SLC25A30: variants seen among roughly 807,000 people sequenced by gnomAD.
SLC25A30 encodes solute carrier family 25 member 30.
A neutral mutation model predicts 42.7 loss-of-function variants in SLC25A30; 29 were observed. The ratio of observed to expected loss-of-function variants is 0.68; its 90% confidence interval spans 0.51 to 0.93. SLC25A30 has a LOEUF of 0.93. Among genes scored for constraint, SLC25A30 ranks in the 40% least tolerant of loss-of-function variants. The probability of loss-of-function intolerance (pLI) is 0.00; values close to 1 mark genes in which losing one functional copy is unlikely to be tolerated. For synonymous variants in SLC25A30, 124 were observed against 131.0 expected (o/e 0.95, Z 0.37); for missense variants, 300 against 359.7 (o/e 0.83, Z 1.34).
intron 1 of SLC25A30, among the ~76,000 whole-genome samples, chr13:45,416,093 C>T (rs554084298): frequency 1.3e-5 from 2 of 151,466 alleles, no homozygotes; most frequent in African/African-American, 4.8e-5. Context: ...CCACGGCGCC[C>T]GGTCCAAATT....
the SLC25A30 span, among the ~76,000 whole-genome samples, chr13:45,430,121 A>G: frequency 1.2e-4 from 19 of 152,280 alleles, no homozygotes; most frequent in East Asian, 3.7e-3. Context: ...TTTAAAAACA[A>G]ATATAATCAT....
rs1201820345 is a variant in SLC25A30, at chr13:45,395,843, A to G, written c.*131T>C. 6.3e-7 allele frequency: 1 copy of G among 1,585,186 alleles called. No individual in the cohort carries two copies. Among genetic ancestry groups the G allele is most frequent in the Admixed American group, 1.7e-5 (1 of 57,832 alleles). The stretch of plus-strand genomic sequence containing the variant: ...AACACACAGCAATCTCAACTAACCC[A>G]GTCTTCATCTGTTGCTCACATCCCA... On this transcript the variant is annotated 3_prime_UTR_variant, in exon 10 of 10. Transcript: ENST00000519676.
chr13:45,411,317 A>G lies in SLC25A30; in HGVS notation c.64+45T>C, dbSNP rs904306843. 4.5e-6 allele frequency: 6 copies of G among 1,332,120 alleles called. No homozygotes were observed. In the African/African-American group the frequency reaches 5.8e-5, roughly 13 times the overall value. The allele number at this position is 1,332,120 out of a possible 1,614,324, so 82.5% of individuals were successfully genotyped here. On this transcript the variant is annotated intron_variant, in intron 2 of 9. Transcript: ENST00000519676. ...TTGAACTACATTCACATCAAACACC[A>G]TCACATACAGCAGGCTACGTGATCC...
In SLC25A30 at chr13:45,404,356, T is replaced by G; in HGVS notation, c.364A>C (p.Thr122Pro). Residue 122 changes from threonine to proline, a missense_variant, in exon 5 of 10, where the codon ACC becomes CCC. Coordinates refer to ENST00000519676, the MANE Select transcript of SLC25A30 (RefSeq NM_001010875.4). Reference sequence around the variant, plus strand: ...AAAACATCAGTTGGATTAGCAATGGTTGAAGATATGACTCCAGACAGAATT... The same window carrying G: ...AAAACATCAGTTGGATTAGCAATGGGTGAAGATATGACTCCAGACAGAATT... Reference protein sequence around the residue: ...CGILSGVISSTIANPTDVLKI... With the variant: ...CGILSGVISSPIANPTDVLKI... The G allele has an allele frequency of 6.2e-7, 1 of 1,613,614 alleles. No homozygotes were observed. Among genetic ancestry groups the G allele is most frequent in the Non-Finnish European group, 8.5e-7 (1 of 1,179,564 alleles).
intron 5 of SLC25A30, among the ~76,000 whole-genome samples, chr13:45,403,615 C>A (rs1489336159): frequency 2.0e-5 from 3 of 152,084 alleles, no homozygotes; most frequent in African/African-American, 7.2e-5. Flanking sequence ...TAAATTTTTT[C>A]ATCTGTATTT....
upstream of SLC25A30, among the ~76,000 whole-genome samples, chr13:45,419,557 G>A (rs1883822761): frequency 6.6e-6 from 1 of 151,150 alleles, no homozygotes; most frequent in Admixed American, 6.6e-5. Context: ...GACCTCAGGT[G>A]ATCCGCCTGC....
chr13:45,429,899 T>C, the SLC25A30 span, among the ~76,000 whole-genome samples: 1 of 151,118 alleles, frequency 6.6e-6, no homozygotes, highest in African/African-American at 2.4e-5. Flanking sequence ...CCAGGCCAGA[T>C]TGGAGCAGGA....
chr13:45,399,010 A>G lies in SLC25A30; in HGVS notation c.683T>C (p.Met228Thr). The G allele has an allele frequency of 6.2e-7, 1 of 1,614,124 alleles. No homozygotes were observed. The highest frequency in any genetic ancestry group is 1.3e-5 in the African/African-American group (1 of 75,044). The change falls in exon 8 of 10, where the codon ATG becomes ACG. Residue 228 changes from methionine to threonine, a missense_variant. Met to Thr is a moderately conservative substitution (Grantham distance 81). Transcript: ENST00000519676. ...ATCTCGAAGCACTCTCTGATTCATC[A>G]TACGTGTCCTCACAACATCAACAGG... Reference protein sequence around the residue: ...SNPVDVVRTRMMNQRVLRDGR... With the variant: ...SNPVDVVRTRTMNQRVLRDGR...
rs536494208 is a variant in SLC25A30, at chr13:45,397,841, C to T, written c.754-503G>A. 3.4e-3 allele frequency: 3,347 copies of T among 971,452 alleles called. 5 individuals are homozygous for T. Among genetic ancestry groups the T allele is most frequent in the Non-Finnish European group, 3.8e-3 (3,118 of 817,332 alleles). 60.2% of individuals were successfully genotyped at this position (971,452 alleles called of 1,614,324 possible). A position where few individuals can be genotyped will look rare whatever the true frequency, so the allele number is the denominator to read the frequency against. ...AGGCTCCATGCCCAACAACCCCACA[C>T]GAAGGATTGAATGAACTCCACACAA... On this transcript the variant is annotated intron_variant, in intron 8 of 9. Transcript: ENST00000519676.
Position 45,417,000 on chromosome 13 carries a change from G to A in SLC25A30, c.-56+1300C>T, listed in dbSNP as rs565896175. ...ATACTAGCTGTTCGTACTTTTGAAC[G>A]CTTTCCAAGTTTCTCTTATTTATTT... On this transcript the variant is annotated intron_variant, in intron 1 of 9. Transcript: ENST00000519676. 1.8e-4 allele frequency among the ~76,000 whole-genome samples: 27 copies of A among 152,182 alleles called. No individual in the cohort carries two copies. The Middle Eastern group carries it at 0.01, about 58-fold the overall frequency.
the SLC25A30 span, among the ~76,000 whole-genome samples, chr13:45,424,145 A>G: frequency 1.4e-3 from 94 of 67,904 alleles, no homozygotes; most frequent in African/African-American, 5.5e-3. Flanking sequence ...ATATATAAAT[A>G]TAAGTATATA....
At chr13:45,432,368 C>CT in the SLC25A30 span, among the ~76,000 whole-genome samples, 1 of 151,566 alleles carries the variant, frequency 6.6e-6, no homozygotes, top group African/African-American at 2.4e-5. Context: ...TTTCAGATGG[C>CT]TTTTTTAGCA....
intron 2 of SLC25A30, 118 bp downstream of exon 2, chr13:45,411,240 AACAG>A: frequency 1.2e-6 from 1 of 812,154 alleles, no homozygotes; most frequent in Admixed American, 2.0e-5. Context: ...ACACCCAGCT[AACAG>A]ACATTTTGAA....
chr13:45,414,486 G>C (rs1280105661), intron 1 of SLC25A30, among the ~76,000 whole-genome samples: 2 of 152,044 alleles, frequency 1.3e-5, no homozygotes, highest in African/African-American at 4.8e-5. Flanking sequence ...GCATGGTGGC[G>C]GGTGCCTGTA....
chr13:45,405,479 A>G (rs377187183), intron 4 of SLC25A30, among the ~76,000 whole-genome samples: 2 of 152,222 alleles, frequency 1.3e-5, no homozygotes, highest in African/African-American at 4.8e-5. Context: ...CTATGGATCA[A>G]AACAAAGCCA....
chr13:45,417,367 TAGTCTTA>T (rs1158477026), intron 1 of SLC25A30, among the ~76,000 whole-genome samples: 1 of 152,226 alleles, frequency 6.6e-6, no homozygotes, highest in African/African-American at 2.4e-5. Context: ...GTTCCCTTTT[TAGTCTTA>T]AGTCTTAAAA....
intron 8 of SLC25A30, 161 bp from the exon 9 acceptor site, chr13:45,397,499 T>A: frequency 3.7e-6 from 2 of 534,206 alleles, no homozygotes; most frequent in South Asian, 4.4e-5. Context: ...AAGACCATCC[T>A]GGCTAATGCA....
the SLC25A30 span, among the ~76,000 whole-genome samples, chr13:45,424,410 T>A: frequency 4.7e-5 from 3 of 63,398 alleles, no homozygotes; most frequent in Non-Finnish European, 8.2e-5. Flanking sequence ...TATATAAAAA[T>A]ATATATAAAT....
chr13:45,429,229 T>A, the SLC25A30 span, among the ~76,000 whole-genome samples: 3 of 151,442 alleles, frequency 2.0e-5, no homozygotes, highest in Non-Finnish European at 4.4e-5. Flanking sequence ...TCACCACACC[T>A]GGCTAATTTT....
Sources: allele counts gnomAD v4.1 joint callset (sites outside exome capture counted in the v4.1 genomes callset), GRCh38; gene constraint gnomAD v4.1.1; transcripts MANE v1.5; gene names NCBI Gene and HGNC (gene_info 2026-07-23, HGNC 2026-07-21).